The following GOLGA3 variants were observed in gnomAD, a reference collection of about 807,000 sequenced individuals.
The protein encoded by GOLGA3 is golgin A3.
In GOLGA3, 75 loss-of-function variants were observed where a neutral mutation model predicts 169.4. That is an observed-to-expected ratio of 0.44 (90% CI 0.37 to 0.54). GOLGA3 has a LOEUF of 0.54. Among genes scored for constraint, GOLGA3 ranks in the 20% least tolerant of loss-of-function variants. The pLI is 0.00. For synonymous variants in GOLGA3, 824 were observed against 822.4 expected, an observed-to-expected ratio of 1.00 and a Z score of -0.03; for missense variants, 1,899 against 1,930.0, an observed-to-expected ratio of 0.98 and a Z score of 0.30.
At chr12:132,797,775 G>A (rs547557762) in intron 9 of GOLGA3, among the ~76,000 whole-genome samples, 2 of 152,240 alleles carry the variant, frequency 1.3e-5, no homozygotes, top group South Asian at 4.1e-4. Flanking sequence ...AGCTAAAGGA[G>A]AACAGCTATC....
chr12:132,773,198 G>A lies in GOLGA3; in HGVS notation c.4404C>T (p.Ala1468=). The change falls in exon 24 of 24, where the codon GCC becomes GCT. Residue 1468 remains alanine, a synonymous_variant. Coordinates refer to ENST00000450791, the MANE Select transcript of GOLGA3 (RefSeq NM_001389683.1). ...SSWTPLEPAT[A]SPVPPGGHAG... ...CGTGACCCCCCGGGGGCACAGGGCT[G>A]GCAGTGGCTGGCTCCAGCGGCGTCC... 1 of 1,583,352 alleles carries A rather than the reference G, an allele frequency of 6.3e-7. No homozygotes were observed. The highest frequency in any genetic ancestry group is 8.6e-7 in the Non-Finnish European group (1 of 1,163,344).
At chr12:132,820,457 G>T (rs554581026) in intron 2 of GOLGA3, among the ~76,000 whole-genome samples, 4 of 152,234 alleles carry the variant, frequency 2.6e-5, no homozygotes, top group African/African-American at 4.8e-5. Flanking sequence ...TTCCACGGCC[G>T]CGGGTCTCAG....
rs10735672 is a variant in GOLGA3 at position 132,804,540 on chromosome 12, C to T, written c.1597+176G>A. 0.96 allele frequency among the ~76,000 whole-genome samples: 145,586 copies of T among 151,084 alleles called. 70,362 individuals are homozygous for T. Among genetic ancestry groups the T allele is most frequent in the East Asian group, 1 (5,130 of 5,136 alleles). ...GCGAGGACCAGTCAGGGAAGGAGGG[C>T]GTGGCGGGGACCAGTCGAGGAAGGA... On this transcript the variant is annotated intron_variant, in intron 7 of 23. Transcript: ENST00000450791. This position sits in a 1 kb window ranked among gnomAD's most constrained non-coding sequence, Gnocchi z 4.1.
rs375423289 is a variant in GOLGA3 at position 132,822,171 on chromosome 12, G to A, written c.-43C>T. ...CTGAGCTGACGCTGAGGGGCTACAAGTGAACCTTGGACAAGCTTGGCTTCT... is the reference window on the plus strand; with the variant it reads ...CTGAGCTGACGCTGAGGGGCTACAAATGAACCTTGGACAAGCTTGGCTTCT... On this transcript the variant is annotated 5_prime_UTR_variant, in exon 2 of 24. Coordinates refer to ENST00000450791, the MANE Select transcript of GOLGA3 (RefSeq NM_001389683.1). The A allele has an allele frequency of 3.5e-5, 55 of 1,573,210 alleles. No individual in the cohort carries two copies. Among genetic ancestry groups the A allele is most frequent in the Non-Finnish European group, 4.0e-5 (47 of 1,166,752 alleles).
intron 18 of GOLGA3, among the ~76,000 whole-genome samples, chr12:132,780,419 A>G (rs2045533544): frequency 6.7e-6 from 1 of 148,680 alleles, no homozygotes; most frequent in South Asian, 2.1e-4. Flanking sequence ...GCCAGCCACG[A>G]AAAGACAGCT....
In GOLGA3 at chr12:132,822,123, G is replaced by T. The variant is rs538287501; in HGVS notation, c.6C>A (p.Asp2Glu). Residue 2 changes from aspartate to glutamate, a missense_variant, in exon 2 of 24, where the codon GAC becomes GAA. Transcript: ENST00000450791. ...GGCCATCTTGCTCGGCCGACGCGCCGTCCATGGTCAGGACGACACCAGCTG... is the reference window on the plus strand; with the variant it reads ...GGCCATCTTGCTCGGCCGACGCGCCTTCCATGGTCAGGACGACACCAGCTG... The part of the protein sequence containing the change: M[D>E]GASAEQDGLQ... 8.1e-6 allele frequency: 13 copies of T among 1,604,520 alleles called. No individual in the cohort carries two copies. Among genetic ancestry groups the T allele is most frequent in the Non-Finnish European group, 1.1e-5 (13 of 1,176,334 alleles).
At chr12:132,784,507 T>C (rs112798981) in intron 15 of GOLGA3, among the ~76,000 whole-genome samples, 200 bp from the exon 16 acceptor site, 110 of 152,274 alleles carry the variant, frequency 7.2e-4, no homozygotes, top group African/African-American at 2.4e-3. Flanking sequence ...ACGGGGATAG[T>C]TGGGACAAAC....
intron 2 of GOLGA3, among the ~76,000 whole-genome samples, chr12:132,818,660 T>C (rs1355683373): frequency 1.3e-5 from 2 of 152,246 alleles, no homozygotes; most frequent in African/African-American, 4.8e-5. Context: ...ACAATCTTTC[T>C]AGCAGGCACT....
chr12:132,824,541 G>A (rs1950336565), intron 1 of GOLGA3, among the ~76,000 whole-genome samples: 1 of 152,150 alleles, frequency 6.6e-6, no homozygotes, highest in Non-Finnish European at 1.5e-5. Context: ...GTAAACAAAG[G>A]ATCCTAGATG....
chr12:132,809,135 A>G (rs11147084), intron 4 of GOLGA3, among the ~76,000 whole-genome samples: 41,170 of 151,176 alleles, frequency 0.27, 5,878 homozygotes, highest in Middle Eastern at 0.44. Context: ...CTGCCTGGCA[A>G]CCAAGGCAGA....
intron 15 of GOLGA3, among the ~76,000 whole-genome samples, chr12:132,786,101 G>C (rs549402654): frequency 6.6e-6 from 1 of 152,352 alleles, no homozygotes; most frequent in South Asian, 2.1e-4. Flanking sequence ...GATTTCTTGA[G>C]GAAAATCAGG....
In GOLGA3 at chr12:132,807,928, C is replaced by G. The variant is rs200628173; in HGVS notation, c.1141G>C (p.Gly381Arg). The G allele has an allele frequency of 2.6e-4, 414 of 1,612,684 alleles. 1 individual carries two copies. Among genetic ancestry groups the G allele is most frequent in the South Asian group, 4.6e-4 (42 of 90,992 alleles). The change falls in exon 5 of 24, where the codon GGG (glycine) becomes CGG (arginine). Residue 381 changes from glycine to arginine, a missense_variant. Coordinates refer to ENST00000450791, the MANE Select transcript of GOLGA3 (RefSeq NM_001389683.1). ...EHQDQGQEVN[G>R]EVRSRRDSIC... is the part of the protein sequence containing the mutation. ...CTGTCTCTCCGACTCCGCACCTCCC[C>G]GTTGACCTCCTGCCCCTGGTCTTGG...
At chr12:132,794,804 A>C (rs564759332) in intron 11 of GOLGA3, among the ~76,000 whole-genome samples, 2 of 152,316 alleles carry the variant, frequency 1.3e-5, no homozygotes, top group Admixed American at 6.5e-5. Flanking sequence ...CTAGAAAATC[A>C]CTTAGTACAG....
At chr12:132,812,921 A>AC (rs1036336548) in intron 4 of GOLGA3, among the ~76,000 whole-genome samples, 1 of 152,206 alleles carries the variant, frequency 6.6e-6, no homozygotes, top group African/African-American at 2.4e-5. Context: ...GATCGTTAGC[A>AC]TTTTTTAGTA....
intron 18 of GOLGA3, among the ~76,000 whole-genome samples, chr12:132,779,308 A>G (rs1419858918): frequency 6.6e-6 from 1 of 152,026 alleles, no homozygotes; most frequent in Non-Finnish European, 1.5e-5. Flanking sequence ...TGAACTCCCG[A>G]CCTCAGGTGA....
Position 132,801,759 on chromosome 12 carries a change from G to T in GOLGA3, c.1800+8C>A, listed in dbSNP as rs1345617458. 1.9e-6 allele frequency: 3 copies of T among 1,610,450 alleles called. No homozygotes were observed. The highest frequency in any genetic ancestry group is 2.2e-5 in the South Asian group (2 of 91,038). On this transcript the variant is annotated splice_region_variant and intron_variant, in intron 8 of 23. Transcript: ENST00000450791. ...TGACCTGCCCTGGAAGGTAGATGTGGGCCGTACCTGGATGTGGGCCATCTC... is the reference window on the plus strand; with the variant it reads ...TGACCTGCCCTGGAAGGTAGATGTGTGCCGTACCTGGATGTGGGCCATCTC...
intron 16 of GOLGA3, among the ~76,000 whole-genome samples, chr12:132,783,211 A>G (rs1401336587): frequency 2.0e-5 from 3 of 150,866 alleles, no homozygotes; most frequent in African/African-American, 7.3e-5. Flanking sequence ...AACAAAGAAC[A>G]ATGGACACCA....
At chr12:132,779,775 C>T (rs895539182) in intron 18 of GOLGA3, among the ~76,000 whole-genome samples, 1 of 131,382 alleles carries the variant, frequency 7.6e-6, no homozygotes, top group Non-Finnish European at 1.7e-5. Flanking sequence ...ATGGACACCC[C>T]CCCCGTGCAC....
In GOLGA3 at chr12:132,804,367, C is replaced by G. The variant is rs1172905842; in HGVS notation, c.1597+349G>C. On this transcript the variant is annotated intron_variant, in intron 7 of 23. Transcript: ENST00000450791. The surrounding 1 kb of genome is among the most constrained non-coding windows in gnomAD (Gnocchi z 4.1). ...TAATTCATTCCCCTGGATGTGCACA[C>G]AAAAATGTACACAATTCCACAAGTT... 6.6e-6 allele frequency among the ~76,000 whole-genome samples: 1 copy of G among 152,228 alleles called. No homozygotes were observed. Among genetic ancestry groups the G allele is most frequent in the Non-Finnish European group, 1.5e-5 (1 of 68,044 alleles).
Sources: gnomAD v4.1 joint callset for allele counts (sites outside exome capture counted in the v4.1 genomes callset) on GRCh38, gnomAD v4.1.1 for gene constraint, Gnocchi (gnomAD v3.1) non-coding constraint, MANE v1.5 for transcripts, NCBI Gene and HGNC (gene_info 2026-07-23, HGNC 2026-07-21) for gene names.